The following ITGA8 variants were observed in gnomAD, a reference collection of about 807,000 sequenced individuals.
ITGA8 encodes the protein integrin subunit alpha 8, also known as integrin alpha-8.
ITGA8 carries 91 observed loss-of-function variants against 142.3 expected under a neutral mutation model. That is an observed-to-expected ratio of 0.64 (90% CI 0.54 to 0.76). The LOEUF (loss-of-function observed/expected upper bound fraction) is 0.76. Ranked by LOEUF, ITGA8 falls within the 30% of genes least tolerant of loss-of-function variation. The probability of loss-of-function intolerance (pLI) is 0.00; values close to 1 mark genes in which losing one functional copy is unlikely to be tolerated. For synonymous variants in ITGA8, 505 were observed against 485.2 expected (o/e 1.04, Z -0.54); for missense variants, 1,406 against 1,327.7 (o/e 1.06, Z -0.92).
chr10:15,719,224 C>G (rs1478245097), intron 1 of ITGA8, among the ~76,000 whole-genome samples: 1 of 152,244 alleles, frequency 6.6e-6, no homozygotes, highest in African/African-American at 2.4e-5. Context: ...GCAATGGTTA[C>G]AGACTCTGCA....
At chr10:15,705,917 G>A (rs1429546430) in intron 2 of ITGA8, among the ~76,000 whole-genome samples, 1 of 152,048 alleles carries the variant, frequency 6.6e-6, no homozygotes, top group Non-Finnish European at 1.5e-5. Context: ...TGGTGCCCCA[G>A]GAGTCAATCT....
chr10:15,578,382 TG>T (rs1834337900), intron 23 of ITGA8, among the ~76,000 whole-genome samples: 1 of 152,180 alleles, frequency 6.6e-6, no homozygotes, highest in Non-Finnish European at 1.5e-5. Flanking sequence ...ATGGGATGGA[TG>T]TACCATGATT....
intron 27 of ITGA8, 31 bp from the exon 28 acceptor site, chr10:15,531,182 T>G (rs1412186639): frequency 1.6e-6 from 2 of 1,218,578 alleles, no homozygotes; most frequent in Non-Finnish European, 2.2e-6. Flanking sequence ...TTAAATATAT[T>G]TCATATAAAG....
intron 27 of ITGA8, among the ~76,000 whole-genome samples, chr10:15,539,586 C>T (rs1432072512): frequency 6.6e-6 from 1 of 152,124 alleles, no homozygotes; most frequent in Non-Finnish European, 1.5e-5. Context: ...CCTGAATTGT[C>T]TGCCTTATGG....
rs552115784 is a variant in ITGA8, at chr10:15,549,699, A to G, written c.2767-1131T>C. Among the ~76,000 whole-genome samples the G allele has an allele frequency of 7.9e-5, 12 of 152,358 alleles. No homozygotes were observed. The East Asian group carries it at 2.3e-3, about 29-fold the overall frequency. On this transcript the variant is annotated intron_variant, in intron 26 of 29. Coordinates refer to ENST00000378076, the MANE Select transcript of ITGA8 (RefSeq NM_003638.3). ...CTCAACATTGGCCTGTGAGTACTCA[A>G]TAAAAATCAATGTATTGGATATTAT...
chr10:15,696,046 C>G (rs189576437), intron 2 of ITGA8, among the ~76,000 whole-genome samples: 32 of 152,318 alleles, frequency 2.1e-4, no homozygotes, highest in African/African-American at 7.2e-4. Context: ...ACTCAATGTG[C>G]TTTCTGTTTT....
intron 8 of ITGA8, among the ~76,000 whole-genome samples, chr10:15,664,129 A>G (rs1834341207): frequency 6.6e-6 from 1 of 152,196 alleles, no homozygotes; most frequent in African/African-American, 2.4e-5. Flanking sequence ...AGACAATACT[A>G]TTAGCTCATC....
intron 14 of ITGA8, 94 bp downstream of exon 14, chr10:15,616,420 A>G: frequency 1.0e-6 from 1 of 954,216 alleles, no homozygotes; most frequent in Non-Finnish European, 1.7e-6. Context: ...TATTCCCCAG[A>G]ATAAATCGTT....
intron 2 of ITGA8, among the ~76,000 whole-genome samples, chr10:15,711,320 G>C (rs746157254): frequency 6.6e-6 from 1 of 152,058 alleles, no homozygotes; most frequent in Non-Finnish European, 1.5e-5. Context: ...GCTTCTCAGG[G>C]ATCTTTGTCT....
At chr10:15,664,855 T>C (rs1271146004) in intron 8 of ITGA8, among the ~76,000 whole-genome samples, 1 of 152,164 alleles carries the variant, frequency 6.6e-6, no homozygotes, top group Non-Finnish European at 1.5e-5. Flanking sequence ...CTCATCCTTT[T>C]TATGGCTGCA....
At chr10:15,552,973 G>A (rs1380778575) in intron 26 of ITGA8, among the ~76,000 whole-genome samples, 1 of 152,114 alleles carries the variant, frequency 6.6e-6, no homozygotes, top group African/African-American at 2.4e-5. Context: ...AAATTTACTT[G>A]AGGCTGGGTG....
In ITGA8 at chr10:15,543,675, T is replaced by C. The variant is rs184131207; in HGVS notation, c.2880+4780A>G. Among the ~76,000 whole-genome samples the C allele has an allele frequency of 3.9e-5, 6 of 152,350 alleles. No individual in the cohort carries two copies. The East Asian group carries it at 1.2e-3, about 29-fold the overall frequency. ...GATTAAAGAAATTGGTGCAATACTG[T>C]AGCAAAATAGAGTCAGGCTTTGTTA... On this transcript the variant is annotated intron_variant, in intron 27 of 29. Transcript: ENST00000378076.
intron 2 of ITGA8, among the ~76,000 whole-genome samples, chr10:15,694,155 G>T (rs1834986687): frequency 7.2e-6 from 1 of 138,840 alleles, no homozygotes; most frequent in African/African-American, 2.7e-5. Context: ...TCATATATCA[G>T]ATAATATATC....
chr10:15,628,289 C>T (rs192841897), intron 13 of ITGA8, among the ~76,000 whole-genome samples: 2 of 146,410 alleles, frequency 1.4e-5, no homozygotes, highest in East Asian at 4.0e-4. Flanking sequence ...AATAAACTTC[C>T]TTTCACTTTA....
chr10:15,705,254 G>A (rs548328872), intron 2 of ITGA8, among the ~76,000 whole-genome samples: 1 of 152,152 alleles, frequency 6.6e-6, no homozygotes. Flanking sequence ...TTGCCATTCT[G>A]CCACTACTCT....
chr10:15,610,340 G>A (rs1833269917), intron 15 of ITGA8, among the ~76,000 whole-genome samples: 1 of 152,096 alleles, frequency 6.6e-6, no homozygotes, highest in Non-Finnish European at 1.5e-5. Flanking sequence ...AGGTCATATG[G>A]AGCATAGAAT....
chr10:15,601,624 A>C (rs1165088066), intron 20 of ITGA8, among the ~76,000 whole-genome samples: 2 of 152,240 alleles, frequency 1.3e-5, no homozygotes, highest in Non-Finnish European at 2.9e-5. Flanking sequence ...GATGATAAAT[A>C]TAAAACATAT....
chr10:15,569,691 A>C (rs1834144786), intron 25 of ITGA8, among the ~76,000 whole-genome samples: 1 of 152,142 alleles, frequency 6.6e-6, no homozygotes, highest in African/African-American at 2.4e-5. Context: ...GTAGCTACAA[A>C]CATCGCTGTG....
At chr10:15,607,149 C>T (rs183199678) in intron 17 of ITGA8, among the ~76,000 whole-genome samples, 31 of 152,222 alleles carry the variant, frequency 2.0e-4, no homozygotes, top group African/African-American at 6.7e-4. Context: ...ACCTCACAAC[C>T]GGCAAGGTGA....
Sources: allele counts gnomAD v4.1 joint callset (sites outside exome capture counted in the v4.1 genomes callset), GRCh38; gene constraint gnomAD v4.1.1; transcripts MANE v1.5; gene names NCBI Gene and HGNC (gene_info 2026-07-23, HGNC 2026-07-21).